DRC11: variants seen among roughly 807,000 people sequenced by gnomAD.
DRC11 encodes IQ and AAA domain-containing protein 1.
chr2:236,492,013 T>C, the DRC11 span, among the ~76,000 whole-genome samples: 1 of 152,334 alleles, frequency 6.6e-6, no homozygotes, highest in Non-Finnish European at 1.5e-5. Flanking sequence ...GCTAAAAGGA[T>C]GAGCTCACCG....
At chr2:236,494,799 G>A in the DRC11 span, among the ~76,000 whole-genome samples, 1 of 152,154 alleles carries the variant, frequency 6.6e-6, no homozygotes, top group Non-Finnish European at 1.5e-5. This position sits in a 1 kb window ranked among gnomAD's most constrained non-coding sequence, Gnocchi z 4.2. Context: ...CTTCTGGGAG[G>A]TGACAATGTC....
chr2:236,418,824 C>G, the DRC11 span, among the ~76,000 whole-genome samples: 2 of 152,300 alleles, frequency 1.3e-5, no homozygotes, highest in African/African-American at 4.8e-5. Flanking sequence ...TTACTTCTCT[C>G]TACCATTGAG....
chr2:236,465,591 G>A, the DRC11 span: 6 of 1,613,780 alleles, frequency 3.7e-6, no homozygotes, highest in Admixed American at 1.7e-5. The surrounding 1 kb of genome is among the most constrained non-coding windows in gnomAD (Gnocchi z 6.2). Flanking sequence ...CATTCTTGAT[G>A]GTAACCAGGG....
At chr2:236,312,257 T>A in the DRC11 span, among the ~76,000 whole-genome samples, 11 of 152,318 alleles carry the variant, frequency 7.2e-5, no homozygotes, top group Middle Eastern at 3.4e-3. Context: ...CAGTCTACCA[T>A]GCCTTCACAC....
At chr2:236,322,021 C>T in the DRC11 span, among the ~76,000 whole-genome samples, 1 of 152,056 alleles carries the variant, frequency 6.6e-6, no homozygotes, top group African/African-American at 2.4e-5. Flanking sequence ...CGGGAACAGA[C>T]ACACAACTCT....
At chr2:236,323,678 A>G in the DRC11 span, among the ~76,000 whole-genome samples, 11 of 152,164 alleles carry the variant, frequency 7.2e-5, no homozygotes, top group Admixed American at 7.2e-4. The surrounding 1 kb of genome is among the most constrained non-coding windows in gnomAD (Gnocchi z 6.4). Context: ...GTGAGATTTT[A>G]TGAATTTCTG....
the DRC11 span, among the ~76,000 whole-genome samples, chr2:236,373,641 CT>C: frequency 2.0e-5 from 3 of 152,128 alleles, no homozygotes; most frequent in Non-Finnish European, 4.4e-5. Context: ...TTTTCTTATT[CT>C]TTTTTTCTTA....
At chr2:236,336,470 TGCCACCAC>T in the DRC11 span, among the ~76,000 whole-genome samples, 2 of 151,452 alleles carry the variant, frequency 1.3e-5, no homozygotes, top group African/African-American at 4.9e-5. The surrounding 1 kb of genome is among the most constrained non-coding windows in gnomAD (Gnocchi z 7.3). Flanking sequence ...CCACCACCAC[TGCCACCAC>T]GGCCACCACC....
chr2:236,344,651 G>C, the DRC11 span: 27 of 1,606,682 alleles, frequency 1.7e-5, no homozygotes, highest in Non-Finnish European at 5.1e-6. Flanking sequence ...CACCTGCAGA[G>C]GAAAAGGCAG....
chr2:236,424,293 T>C, the DRC11 span, among the ~76,000 whole-genome samples: 1 of 152,212 alleles, frequency 6.6e-6, no homozygotes, highest in Non-Finnish European at 1.5e-5. Context: ...TTGTGGAGTA[T>C]AAATTTCACT....
chr2:236,453,508 T>C, the DRC11 span, among the ~76,000 whole-genome samples: 2 of 152,240 alleles, frequency 1.3e-5, no homozygotes, highest in African/African-American at 4.8e-5. This position sits in a 1 kb window ranked among gnomAD's most constrained non-coding sequence, Gnocchi z 4.9. Flanking sequence ...AGAACAGCTC[T>C]GTCCTCTGCC....
At chr2:236,488,277 C>T in the DRC11 span, 9 of 1,000,458 alleles carry the variant, frequency 9.0e-6, no homozygotes, top group Non-Finnish European at 1.3e-5. Context: ...TTACTTCAAA[C>T]ACAATCCTGC....
the DRC11 span, among the ~76,000 whole-genome samples, chr2:236,381,583 T>G: frequency 2.0e-5 from 3 of 152,358 alleles, no homozygotes; most frequent in Non-Finnish European, 2.9e-5. The surrounding 1 kb of genome is among the most constrained non-coding windows in gnomAD (Gnocchi z 5.8). Context: ...CCAATCACCT[T>G]TCTCTGTTGG....
the DRC11 span, among the ~76,000 whole-genome samples, chr2:236,372,744 G>A: frequency 7.7e-3 from 1,178 of 152,094 alleles, 15 homozygotes; most frequent in African/African-American, 0.026. This position sits in a 1 kb window ranked among gnomAD's most constrained non-coding sequence, Gnocchi z 4.5. Flanking sequence ...TAAGTAGCTG[G>A]GACTACAGGT....
chr2:236,320,808 C>T, the DRC11 span, among the ~76,000 whole-genome samples: 1 of 151,656 alleles, frequency 6.6e-6, no homozygotes, highest in African/African-American at 2.4e-5. Context: ...GAGTCTACAG[C>T]TCCCTCCGCC....
At chr2:236,491,121 GTGTA>G in the DRC11 span, among the ~76,000 whole-genome samples, 96 of 98,570 alleles carry the variant, frequency 9.7e-4, 11 homozygotes, top group African/African-American at 4.5e-3. Flanking sequence ...TATATACAGT[GTGTA>G]TATATATATA....
At chr2:236,368,458 C>T in the DRC11 span, 1 of 588,692 alleles carries the variant, frequency 1.7e-6, no homozygotes. Flanking sequence ...CACATCTTTT[C>T]TCAGATAAAG....
the DRC11 span, among the ~76,000 whole-genome samples, chr2:236,457,520 T>C: frequency 6.6e-6 from 1 of 152,230 alleles, no homozygotes; most frequent in Non-Finnish European, 1.5e-5. The surrounding 1 kb of genome is among the most constrained non-coding windows in gnomAD (Gnocchi z 4.7). Flanking sequence ...CACTGAATAA[T>C]GATCCCTAAA....
chr2:236,449,475 CTTATCGTACCTGGAAGG>C, the DRC11 span, among the ~76,000 whole-genome samples: 2 of 152,170 alleles, frequency 1.3e-5, no homozygotes, highest in African/African-American at 4.8e-5. This position sits in a 1 kb window ranked among gnomAD's most constrained non-coding sequence, Gnocchi z 5.1. Flanking sequence ...CTGCCATTTC[CTTATCGTACCTGGAAGG>C]TTTTCCACCC....
Sources: gnomAD v4.1 joint callset for allele counts (sites outside exome capture counted in the v4.1 genomes callset) on GRCh38, gnomAD v4.1.1 for gene constraint, Gnocchi (gnomAD v3.1) non-coding constraint, MANE v1.5 for transcripts, NCBI Gene and HGNC (gene_info 2026-07-23, HGNC 2026-07-21) for gene names.